Variants in ANO2 observed in about 807,000 individuals in gnomAD.
The protein encoded by ANO2 is anoctamin 2, also known as anoctamin-2.
ANO2 carries 101 observed loss-of-function variants against 124.2 expected under a neutral mutation model. The observed-to-expected ratio is 0.81, with a 90% CI of 0.69 to 0.96. The LOEUF (loss-of-function observed/expected upper bound fraction) is 0.96, where lower values mean the gene tolerates loss of function less well. Ranked by LOEUF, ANO2 falls within the 40% of genes least tolerant of loss-of-function variation. The pLI is 0.00. For synonymous variants in ANO2, 486 were observed against 482.5 expected, an observed-to-expected ratio of 1.01 and a Z score of -0.09; for missense variants, 1,293 against 1,274.5, an observed-to-expected ratio of 1.01 and a Z score of -0.22.
rs1052429756 is a variant in ANO2 at position 5,862,364 on chromosome 12, G to T, written c.535-8223C>A. Among the ~76,000 whole-genome samples, 2 of 152,088 alleles carry T rather than the reference G, an allele frequency of 1.3e-5. No individual in the cohort carries two copies. Among genetic ancestry groups the T allele is most frequent in the African/African-American group, 4.8e-5 (2 of 41,412 alleles). On this transcript the variant is annotated intron_variant, in intron 3 of 24. Transcript: ENST00000682330. The surrounding 1 kb of genome is among the most constrained non-coding windows in gnomAD (Gnocchi z 4.0). The stretch of plus-strand genomic sequence containing the variant: ...AGACTTCACCTGGTTCCCAACCAAC[G>T]ACCAGGGACAACCCAGGGTCCTATG...
At chr12:5,895,140 A>G (rs1206083887) in intron 3 of ANO2, among the ~76,000 whole-genome samples, 1 of 152,124 alleles carries the variant, frequency 6.6e-6, no homozygotes, top group Non-Finnish European at 1.5e-5. Flanking sequence ...ATGTTTTTCC[A>G]TTTGTTTGTG....
At chr12:5,775,169 A>G (rs1385463733) in intron 10 of ANO2, among the ~76,000 whole-genome samples, 2 of 152,118 alleles carry the variant, frequency 1.3e-5, no homozygotes, top group Non-Finnish European at 2.9e-5. Context: ...CCATTGCCCT[A>G]CTTTTTGCCA....
chr12:5,680,430 T>G (rs369394664), intron 14 of ANO2, among the ~76,000 whole-genome samples: 99 of 152,266 alleles, frequency 6.5e-4, no homozygotes, highest in African/African-American at 2.3e-3. Context: ...CATTGTTAAG[T>G]AAGGAACGGC....
chr12:5,751,587 T>C (rs1951442920), intron 10 of ANO2, among the ~76,000 whole-genome samples: 1 of 152,196 alleles, frequency 6.6e-6, no homozygotes, highest in Non-Finnish European at 1.5e-5. Context: ...GTGTTGAACA[T>C]ATACAACTTG....
intron 14 of ANO2, among the ~76,000 whole-genome samples, chr12:5,690,658 G>C (rs746593778): frequency 6.6e-6 from 1 of 152,138 alleles, no homozygotes; most frequent in African/African-American, 2.4e-5. Flanking sequence ...AATGCGGCAT[G>C]GGTTGGCAAG....
At chr12:5,826,970 A>G (rs113340801) in intron 7 of ANO2, among the ~76,000 whole-genome samples, 2,888 of 152,298 alleles carry the variant, frequency 0.019, 97 homozygotes, top group African/African-American at 0.065. Flanking sequence ...CAAAGCTGTC[A>G]GATGCCACTT....
intron 14 of ANO2, among the ~76,000 whole-genome samples, chr12:5,686,771 G>A (rs1237119841): frequency 6.6e-6 from 1 of 152,168 alleles, no homozygotes; most frequent in Non-Finnish European, 1.5e-5. Flanking sequence ...TGGGAGCCGT[G>A]CTGTCCTGAG....
chr12:5,927,613 C>T (rs549097602), intron 1 of ANO2, among the ~76,000 whole-genome samples: 274 of 152,342 alleles, frequency 1.8e-3, no homozygotes, highest in Non-Finnish European at 3.3e-3. Context: ...CTCATTTAAC[C>T]TCTGGCTCTT....
chr12:5,607,148 T>A (rs1187389270), intron 19 of ANO2, among the ~76,000 whole-genome samples: 1 of 150,872 alleles, frequency 6.6e-6, no homozygotes, highest in Non-Finnish European at 1.5e-5. Flanking sequence ...TGAAGGTACA[T>A]AAGAGCTGTA....
intron 15 of ANO2, among the ~76,000 whole-genome samples, chr12:5,638,676 G>A (rs1445009699): frequency 2.0e-5 from 3 of 151,858 alleles, no homozygotes; most frequent in Non-Finnish European, 2.9e-5. Context: ...ACCACATTCT[G>A]TGCCTTAAGC....
chr12:5,775,337 T>C (rs1190623968), intron 10 of ANO2, among the ~76,000 whole-genome samples: 1 of 152,126 alleles, frequency 6.6e-6, no homozygotes, highest in Non-Finnish European at 1.5e-5. Context: ...CATTGTCTCA[T>C]CTTAACCCAA....
intron 7 of ANO2, among the ~76,000 whole-genome samples, chr12:5,817,884 G>C (rs1953660509): frequency 6.6e-6 from 1 of 152,158 alleles, no homozygotes; most frequent in Non-Finnish European, 1.5e-5. Flanking sequence ...CTTGGAAGCT[G>C]ACAACATCTA....
chr12:5,896,884 T>A (rs1219881944), intron 3 of ANO2, among the ~76,000 whole-genome samples: 1 of 152,158 alleles, frequency 6.6e-6, no homozygotes, highest in Non-Finnish European at 1.5e-5. Context: ...AAGAAAAAAA[T>A]TCCAGTTGAG....
intron 16 of ANO2, among the ~76,000 whole-genome samples, chr12:5,627,411 C>T (rs559394715): frequency 6.6e-6 from 1 of 152,184 alleles, no homozygotes; most frequent in African/African-American, 2.4e-5. Flanking sequence ...ATGACCAGCA[C>T]TGTGGCGTCC....
rs1404489606 is a variant in ANO2, at chr12:5,787,169, T to A, written c.1055+12338A>T. Among the ~76,000 whole-genome samples the A allele has an allele frequency of 6.6e-6, 1 of 152,044 alleles. No individual in the cohort carries two copies. Among genetic ancestry groups the A allele is most frequent in the Non-Finnish European group, 1.5e-5 (1 of 67,980 alleles). ...ACAAAGGGCACATAGGAGGAAACCA[T>A]CCTGTTAGACACAAAAAGCACAATC... On this transcript the variant is annotated intron_variant, in intron 10 of 24. Transcript: ENST00000682330. The surrounding 1 kb of genome is among the most constrained non-coding windows in gnomAD (Gnocchi z 4.2).
chr12:5,597,821 G>A (rs1011840584), intron 20 of ANO2, among the ~76,000 whole-genome samples: 1 of 152,194 alleles, frequency 6.6e-6, no homozygotes, highest in South Asian at 2.1e-4. Context: ...TCTGAAATAT[G>A]AGCAATATCC....
chr12:5,608,176 A>G (rs930850471), intron 19 of ANO2, among the ~76,000 whole-genome samples: 5 of 151,720 alleles, frequency 3.3e-5, no homozygotes, highest in African/African-American at 1.2e-4. Flanking sequence ...ACTATGAAAG[A>G]CTTTCTTTTT....
rs115089504 is a variant in ANO2, at chr12:5,937,902, C to T, written c.22+7294G>A. Reference sequence around the variant, plus strand: ...GCTTCTTACTCCTAAAACAAAGCCCCTGGGGGTCTCAGCTACATGTCTGGA... The same window carrying T: ...GCTTCTTACTCCTAAAACAAAGCCCTTGGGGGTCTCAGCTACATGTCTGGA... On this transcript the variant is annotated intron_variant, in intron 1 of 24. Transcript: ENST00000682330. 2.9e-3 allele frequency among the ~76,000 whole-genome samples: 435 copies of T among 151,592 alleles called. 4 individuals carry two copies. Among genetic ancestry groups the T allele is most frequent in the African/African-American group, 0.01 (422 of 41,098 alleles).
chr12:5,851,999 C>T, intron 4 of ANO2: 4 of 725,564 alleles, frequency 5.5e-6, no homozygotes, highest in African/African-American at 1.7e-5. Context: ...ACATAGGAAA[C>T]AAGACACAAA....
Sources: allele counts gnomAD v4.1 joint callset (sites outside exome capture counted in the v4.1 genomes callset), GRCh38; gene constraint gnomAD v4.1.1; non-coding constraint Gnocchi (gnomAD v3.1); transcripts MANE v1.5; gene names NCBI Gene and HGNC (gene_info 2026-07-23, HGNC 2026-07-21).